Variants in CCSER1 observed in about 807,000 individuals in gnomAD.
CCSER1 encodes the protein serine-rich coiled-coil domain-containing protein 1.
A neutral mutation model predicts 82.0 loss-of-function variants in CCSER1; 41 were observed. That is an observed-to-expected ratio of 0.50 (90% CI 0.39 to 0.65). The LOEUF is 0.65. CCSER1 is among the 30% of genes least tolerant of loss of function. The pLI, the probability that CCSER1 is intolerant of heterozygous loss-of-function variation, is 0.00. For synonymous variants in CCSER1, 414 were observed against 383.9 expected (o/e 1.08, Z -0.92); for missense variants, 1,119 against 1,064.2 (o/e 1.05, Z -0.72).
At chr4:90,701,627 T>C (rs1738147092) in intron 6 of CCSER1, among the ~76,000 whole-genome samples, 1 of 152,228 alleles carries the variant, frequency 6.6e-6, no homozygotes, top group Non-Finnish European at 1.5e-5. Context: ...GCATGGAATG[T>C]TCTTCCGTTT....
intron 10 of CCSER1, among the ~76,000 whole-genome samples, chr4:91,559,104 A>T (rs1762539411): frequency 6.6e-6 from 1 of 151,514 alleles, no homozygotes; most frequent in Non-Finnish European, 1.5e-5. Context: ...GTGTCATCTA[A>T]TATTAACTAA....
intron 8 of CCSER1, among the ~76,000 whole-genome samples, chr4:90,817,255 A>G (rs1367544242): frequency 1.3e-5 from 2 of 152,146 alleles, no homozygotes; most frequent in Non-Finnish European, 1.5e-5. Flanking sequence ...CAATTTTAAC[A>G]TAGCAGAGTA....
intron 10 of CCSER1, among the ~76,000 whole-genome samples, chr4:91,372,589 A>G (rs75398761): frequency 0.02 from 2,968 of 152,156 alleles, 76 homozygotes; most frequent in African/African-American, 0.067. Context: ...GAATTCTCTA[A>G]ATAGATATGC....
chr4:91,591,360 T>C (rs946804035), intron 10 of CCSER1, among the ~76,000 whole-genome samples: 16 of 152,182 alleles, frequency 1.1e-4, no homozygotes, highest in Non-Finnish European at 2.2e-4. Flanking sequence ...GGCTTCTTGA[T>C]ATCACAGCAT....
chr4:90,148,998 CT>C lies in CCSER1; in HGVS notation c.-42+21170del, dbSNP rs201709198. Among the ~76,000 whole-genome samples, 707 of 152,180 alleles carry C rather than the reference CT, an allele frequency of 4.6e-3. 9 individuals carry two copies. The highest frequency in any genetic ancestry group is 0.026 in the Admixed American group (394 of 15,274). ...TTTTAGAATATGAAAGGCACTTTGG[CT>C]TTGTTAGAATTTTATCAGTGTTTCT... On this transcript the variant is annotated intron_variant, in intron 1 of 10. Transcript: ENST00000509176.
intron 7 of CCSER1, among the ~76,000 whole-genome samples, chr4:90,758,781 A>C (rs556133543): frequency 3.3e-5 from 5 of 152,312 alleles, no homozygotes. Context: ...GTTCTTGAGG[A>C]TATTAAAATA....
chr4:90,951,908 TTC>T (rs929750075), intron 9 of CCSER1, among the ~76,000 whole-genome samples: 7 of 151,982 alleles, frequency 4.6e-5, no homozygotes, highest in Non-Finnish European at 8.8e-5. Context: ...AGTAGGCTAA[TTC>T]TCTAGGGATT....
intron 1 of CCSER1, among the ~76,000 whole-genome samples, chr4:90,190,936 T>C (rs1290019410): frequency 6.6e-6 from 1 of 152,092 alleles, no homozygotes; most frequent in African/African-American, 2.4e-5. Context: ...AAACTTTATA[T>C]GTAATAGCTA....
chr4:91,412,067 CTT>C, intron 10 of CCSER1, among the ~76,000 whole-genome samples: 1 of 152,062 alleles, frequency 6.6e-6, no homozygotes. Context: ...AGAAAAGTGA[CTT>C]TGTAGGGGTA....
intron 4 of CCSER1, among the ~76,000 whole-genome samples, chr4:90,408,532 T>C (rs559578511): frequency 3.9e-4 from 59 of 152,034 alleles, no homozygotes; most frequent in Admixed American, 1.4e-3. Context: ...GGGTCTGGAG[T>C]GGACCTCCAG....
chr4:91,314,470 T>C (rs986468507), intron 10 of CCSER1, among the ~76,000 whole-genome samples: 4 of 152,026 alleles, frequency 2.6e-5, no homozygotes, highest in East Asian at 1.9e-4. Context: ...AGAAAACCAA[T>C]TAAGTTTAAC....
At chr4:90,623,683 A>C (rs1035135084) in intron 5 of CCSER1, among the ~76,000 whole-genome samples, 5 of 152,360 alleles carry the variant, frequency 3.3e-5, no homozygotes, top group African/African-American at 1.2e-4. Flanking sequence ...GGAAATGCTG[A>C]TTGCATCTCT....
intron 10 of CCSER1, among the ~76,000 whole-genome samples, chr4:91,548,782 T>A (rs1762015744): frequency 6.6e-6 from 1 of 152,076 alleles, no homozygotes; most frequent in South Asian, 2.1e-4. Flanking sequence ...CCCCCTGGCT[T>A]CTTTTGTGAC....
intron 5 of CCSER1, among the ~76,000 whole-genome samples, chr4:90,592,458 T>C (rs2148699900): frequency 6.6e-6 from 1 of 152,294 alleles, no homozygotes; most frequent in East Asian, 1.9e-4. Flanking sequence ...TATGTTCATG[T>C]GTGAGGATTG....
At chr4:91,289,638 G>T (rs1743596143) in intron 10 of CCSER1, among the ~76,000 whole-genome samples, 1 of 151,852 alleles carries the variant, frequency 6.6e-6, no homozygotes, top group Non-Finnish European at 1.5e-5. Context: ...GAAGAGAGAG[G>T]TCAATAGAAA....
At chr4:91,215,597 G>T (rs1248627969) in intron 10 of CCSER1, among the ~76,000 whole-genome samples, 2 of 152,148 alleles carry the variant, frequency 1.3e-5, no homozygotes, top group African/African-American at 4.8e-5. Flanking sequence ...ATCTTTCCAT[G>T]TTCTACTGCC....
At chr4:90,168,325 T>C (rs951885169) in intron 1 of CCSER1, among the ~76,000 whole-genome samples, 3 of 152,072 alleles carry the variant, frequency 2.0e-5, no homozygotes, top group African/African-American at 7.2e-5. Context: ...TGGGGTTGTT[T>C]GTTTTTTTCT....
At chr4:90,151,885 T>C (rs1037769733) in intron 1 of CCSER1, among the ~76,000 whole-genome samples, 6 of 152,094 alleles carry the variant, frequency 3.9e-5, no homozygotes, top group Middle Eastern at 3.2e-3. Context: ...TCTAAGGAAG[T>C]AGCTATGATA....
intron 10 of CCSER1, among the ~76,000 whole-genome samples, chr4:91,549,435 G>C (rs888439391): frequency 1.3e-5 from 2 of 152,070 alleles, no homozygotes; most frequent in African/African-American, 4.8e-5. Flanking sequence ...TTGTTGAAAG[G>C]TGGATATGAT....
Sources: gnomAD v4.1 joint callset for allele counts (sites outside exome capture counted in the v4.1 genomes callset) on GRCh38, gnomAD v4.1.1 for gene constraint, MANE v1.5 for transcripts, NCBI Gene and HGNC (gene_info 2026-07-23, HGNC 2026-07-21) for gene names.